Variants in ABCB5 observed in about 807,000 individuals in gnomAD.
The protein encoded by ABCB5 is ATP binding cassette subfamily B member 5.
ABCB5 carries 155 observed loss-of-function variants against 144.2 expected under a neutral mutation model. The ratio of observed to expected loss-of-function variants is 1.08; its 90% CI spans 0.94 to 1.23. The LOEUF is 1.23. Among genes scored for constraint, ABCB5 ranks in the 50% most tolerant of loss-of-function variants. The pLI is 0.00. For missense variants in ABCB5, 1,830 were observed against 1,520.8 expected (o/e 1.20, Z -3.38); for synonymous variants, 610 against 528.6 (o/e 1.15, Z -2.11).
In ABCB5 at chr7:20,615,769, C is replaced by T. The variant is rs73076550; in HGVS notation, c.-90C>T. 15,012 of 152,290 alleles carry T rather than the reference C, an allele frequency of 0.099. 777 individuals carry two copies. Among genetic ancestry groups the T allele is most frequent in the East Asian group, 0.15 (815 of 5,286 alleles). 9.4% of individuals were successfully genotyped at this position (152,290 alleles called of 1,614,324 possible). ...TTATCCTATCCTCTTCAGAAGACTTCAGTCTTTTCTCTTAAGGACTTCAAC... is the reference window on the plus strand; with the variant it reads ...TTATCCTATCCTCTTCAGAAGACTTTAGTCTTTTCTCTTAAGGACTTCAAC... On this transcript the variant is annotated 5_prime_UTR_variant, in exon 1 of 28. Transcript: ENST00000404938.
chr7:20,725,405 CCT>C (rs1379988695), intron 21 of ABCB5, among the ~76,000 whole-genome samples: 3 of 152,108 alleles, frequency 2.0e-5, no homozygotes, highest in Non-Finnish European at 2.9e-5. Flanking sequence ...ATGGTGAAAC[CCT>C]GTCTCTACTA....
intron 3 of ABCB5, 65 bp from the exon 4 acceptor site, chr7:20,628,623 G>C: frequency 6.5e-7 from 1 of 1,532,894 alleles, no homozygotes; most frequent in South Asian, 1.2e-5. Flanking sequence ...TTGTGTGTGT[G>C]TGTGTGTGCT....
At chr7:20,688,762 A>C (rs1395786913) in intron 16 of ABCB5, among the ~76,000 whole-genome samples, 1 of 152,220 alleles carries the variant, frequency 6.6e-6, no homozygotes, top group Non-Finnish European at 1.5e-5. Flanking sequence ...AATGTGGCAC[A>C]TATACACCAT....
intron 26 of ABCB5, among the ~76,000 whole-genome samples, chr7:20,745,988 G>T (rs1782708150): frequency 6.6e-6 from 1 of 152,198 alleles, no homozygotes; most frequent in Admixed American, 6.5e-5. Flanking sequence ...AGCTGAGCTG[G>T]TCTCTCCTGT....
At chr7:20,661,937 T>C (rs1436249752) in intron 14 of ABCB5, among the ~76,000 whole-genome samples, 1 of 152,198 alleles carries the variant, frequency 6.6e-6, no homozygotes, top group Non-Finnish European at 1.5e-5. Flanking sequence ...GAATAAAGGT[T>C]CATGTCATAG....
At chr7:20,739,411 T>C (rs1782491882) in intron 24 of ABCB5, among the ~76,000 whole-genome samples, 2 of 152,014 alleles carry the variant, frequency 1.3e-5, no homozygotes, top group African/African-American at 4.8e-5. Flanking sequence ...AAAAAATAAA[T>C]GTCCACTTAT....
intron 10 of ABCB5, 127 bp from the exon 11 acceptor site, chr7:20,647,841 C>A: frequency 1.8e-6 from 2 of 1,086,230 alleles, no homozygotes; most frequent in South Asian, 1.5e-5. Flanking sequence ...TCATGTCTAA[C>A]TCAATGCACT....
At chr7:20,639,070 G>C (rs910122400) in intron 5 of ABCB5, among the ~76,000 whole-genome samples, 3 of 150,894 alleles carry the variant, frequency 2.0e-5, no homozygotes, top group African/African-American at 7.3e-5. Flanking sequence ...GTATGAAGGG[G>C]TATTATAATA....
intron 5 of ABCB5, 62 bp downstream of exon 5, chr7:20,632,175 A>T (rs1294940415): frequency 8.3e-7 from 1 of 1,199,452 alleles, no homozygotes; most frequent in African/African-American, 1.6e-5. Flanking sequence ...AAAGCTTACA[A>T]GAAAAAAGCA....
intron 5 of ABCB5, among the ~76,000 whole-genome samples, chr7:20,637,390 C>T (rs191574297): frequency 6.6e-6 from 1 of 151,964 alleles, no homozygotes; most frequent in African/African-American, 2.4e-5. Context: ...TATGATGCCT[C>T]CTCTTTTGCT....
At chr7:20,731,365 A>ATATATATATAT (rs1201095218) in intron 23 of ABCB5, among the ~76,000 whole-genome samples, 1 of 87,908 alleles carries the variant, frequency 1.1e-5, no homozygotes, top group Non-Finnish European at 2.2e-5. Flanking sequence ...GAAAAAAAAA[A>ATATATATATAT]AAAAATATAT....
intron 16 of ABCB5, among the ~76,000 whole-genome samples, chr7:20,695,417 C>G (rs945302640): frequency 6.6e-6 from 1 of 151,452 alleles, no homozygotes; most frequent in African/African-American, 2.4e-5. Flanking sequence ...AAAATTAACT[C>G]AAAATGGATT....
chr7:20,704,909 C>A, intron 20 of ABCB5, 102 bp downstream of exon 20: 1 of 876,086 alleles, frequency 1.1e-6, no homozygotes. Context: ...CTGAGATGAC[C>A]CACATCATTA....
chr7:20,685,980 T>A, intron 16 of ABCB5, 144 bp downstream of exon 16: 1 of 876,724 alleles, frequency 1.1e-6, no homozygotes, highest in Non-Finnish European at 1.6e-6. Flanking sequence ...AATTTCACTC[T>A]AGCATCAGTG....
chr7:20,711,778 C>CTCTTTCTT (rs1174731019), intron 20 of ABCB5, among the ~76,000 whole-genome samples: 4,727 of 46,592 alleles, frequency 0.1, 459 homozygotes, highest in Middle Eastern at 0.13. Context: ...TTCCTTCTTT[C>CTCTTTCTT]TCTTTCTTTC....
At chr7:20,692,941 T>G (rs1010904732) in intron 16 of ABCB5, among the ~76,000 whole-genome samples, 1 of 152,146 alleles carries the variant, frequency 6.6e-6, no homozygotes, top group Non-Finnish European at 1.5e-5. Context: ...TTCAACACCC[T>G]TCTACTAAAT....
In ABCB5 at chr7:20,650,882, A is replaced by G. The variant is rs187304132; in HGVS notation, c.1333-538A>G. 2.4e-4 allele frequency among the ~76,000 whole-genome samples: 37 copies of G among 152,060 alleles called. No individual in the cohort carries two copies. The East Asian group carries it at 7.0e-3, about 29-fold the overall frequency. On this transcript the variant is annotated intron_variant, in intron 12 of 27. Coordinates refer to ENST00000404938, the MANE Select transcript of ABCB5 (RefSeq NM_001163941.2). ...AAACAAGGGTTGGTAAGAAATAGAG[A>G]CTCTATGAGTTAGAATTACCAAACC...
At chr7:20,668,675 G>T (rs1785323533) in intron 14 of ABCB5, among the ~76,000 whole-genome samples, 1 of 146,646 alleles carries the variant, frequency 6.8e-6, no homozygotes. Context: ...CTACTGGGAA[G>T]TGAGGAGCCC....
At chr7:20,662,663 C>A (rs1199665557) in intron 14 of ABCB5, among the ~76,000 whole-genome samples, 3 of 152,186 alleles carry the variant, frequency 2.0e-5, no homozygotes, top group African/African-American at 7.2e-5. Flanking sequence ...AACACACAGA[C>A]TACCTCATGC....
Sources: gnomAD v4.1 joint callset for allele counts (sites outside exome capture counted in the v4.1 genomes callset) on GRCh38, gnomAD v4.1.1 for gene constraint, MANE v1.5 for transcripts, NCBI Gene and HGNC (gene_info 2026-07-23, HGNC 2026-07-21) for gene names.